COBLL1: variants seen among roughly 807,000 people sequenced by gnomAD.
COBLL1 encodes cordon-bleu WH2 repeat protein like 1, also known as cordon-bleu protein-like 1.
A neutral mutation model predicts 94.8 loss-of-function variants in COBLL1; 50 were observed. The ratio of observed to expected loss-of-function variants is 0.53; its 90% CI spans 0.42 to 0.67. COBLL1 has a LOEUF of 0.67. Among genes scored for constraint, COBLL1 ranks in the 30% least tolerant of loss-of-function variants. The probability of loss-of-function intolerance (pLI) is 0.00; values close to 1 mark genes in which losing one functional copy is unlikely to be tolerated. For synonymous variants in COBLL1, 448 were observed against 473.8 expected (o/e 0.95, Z 0.71); for missense variants, 1,362 against 1,348.7 (o/e 1.01, Z -0.15).
chr2:164,740,922 GAAAT>G (rs1558970828), intron 3 of COBLL1, among the ~76,000 whole-genome samples: 2 of 152,048 alleles, frequency 1.3e-5, no homozygotes. Flanking sequence ...TGAGGTGAAA[GAAAT>G]AGAGTATTTG....
rs116599805 is a variant in COBLL1 at position 164,812,737 on chromosome 2, G to A, written c.41+28419C>T. ...CAATGCCTAGCATATATTAGAGTAC[G>A]CATTTGATAATTGTTAGTTGATTCT... On this transcript the variant is annotated intron_variant, in intron 2 of 13. Transcript: ENST00000652658. Among the ~76,000 whole-genome samples, 509 of 152,046 alleles carry A rather than the reference G, an allele frequency of 3.3e-3. 3 individuals are homozygous for A. The highest frequency in any genetic ancestry group is 0.011 in the African/African-American group (469 of 41,496).
chr2:164,808,148 G>T (rs1234282891), intron 2 of COBLL1, among the ~76,000 whole-genome samples: 1 of 152,018 alleles, frequency 6.6e-6, no homozygotes, highest in Non-Finnish European at 1.5e-5. Flanking sequence ...ATATCTTTGG[G>T]TCCAAGAATG....
At chr2:164,670,771 A>C (rs773176130) in intron 1 of COBLL1, among the ~76,000 whole-genome samples, 1 of 152,194 alleles carries the variant, frequency 6.6e-6, no homozygotes, top group Non-Finnish European at 1.5e-5. Flanking sequence ...AGAGAGGCCA[A>C]ATGGAAGCAG....
At chr2:164,779,063 CTT>C (rs1688610563) in intron 2 of COBLL1, among the ~76,000 whole-genome samples, 1 of 152,108 alleles carries the variant, frequency 6.6e-6, no homozygotes. Flanking sequence ...GAAACATGGT[CTT>C]TAAGTTTCGC....
chr2:164,810,665 C>G (rs1684417275), intron 2 of COBLL1, among the ~76,000 whole-genome samples: 1 of 151,404 alleles, frequency 6.6e-6, no homozygotes, highest in African/African-American at 2.4e-5. Context: ...AAAATTTTTA[C>G]TATTGAATTT....
chr2:164,689,269 A>T (rs2105415135), intron 13 of COBLL1, among the ~76,000 whole-genome samples: 1 of 152,260 alleles, frequency 6.6e-6, no homozygotes, highest in African/African-American at 2.4e-5. Flanking sequence ...TTGCCTGCGT[A>T]TGAACCAGAG....
At chr2:164,727,484 C>T (rs1685772189) in intron 5 of COBLL1, among the ~76,000 whole-genome samples, 1 of 151,918 alleles carries the variant, frequency 6.6e-6, no homozygotes, top group African/African-American at 2.4e-5. Flanking sequence ...TAGACTGATA[C>T]ATTTCATAAG....
intron 1 of COBLL1, among the ~76,000 whole-genome samples, chr2:164,667,985 C>A (rs911512379): frequency 6.8e-6 from 1 of 147,146 alleles, no homozygotes; most frequent in African/African-American, 2.5e-5. Flanking sequence ...CACTCTATCG[C>A]CCAGGCTGGA....
At position 164,694,568 on chromosome 2, in the gene COBLL1, C is replaced by G. The variant is rs768778054; in HGVS notation, c.2824G>C (p.Ala942Pro). 3 of 1,613,854 alleles carry G rather than the reference C, an allele frequency of 1.9e-6. No individual in the cohort carries two copies. Among genetic ancestry groups the G allele is most frequent in the African/African-American group, 1.3e-5 (1 of 74,990 alleles). ...GGAGGAGGGGAGGCTTCAGCAGGAG[C>G]CTGACCGATGACATCATCATCAGTT... ...EKTDDDVIGQ[A>P]PAEASPPPIA... is the part of the protein sequence containing the mutation. Residue 942 changes from alanine to proline, a missense_variant, in exon 12 of 14, where the codon GCT becomes CCT. Transcript: ENST00000652658.
chr2:164,775,175 C>G (rs959457202), intron 2 of COBLL1, among the ~76,000 whole-genome samples: 1 of 150,542 alleles, frequency 6.6e-6, no homozygotes, highest in African/African-American at 2.5e-5. Flanking sequence ...AAAATGCATT[C>G]ATAGTTTCTA....
rs544562625 is a variant in COBLL1, at chr2:164,693,521, T to C, written c.3123+748A>G. Among the ~76,000 whole-genome samples the C allele has an allele frequency of 2.9e-4, 44 of 152,230 alleles. 1 individual carries two copies. In the South Asian group the frequency reaches 9.1e-3, roughly 32 times the overall value. On this transcript the variant is annotated intron_variant, in intron 12 of 13. Transcript: ENST00000652658. ...AAAATTGCATGAGGATTATCATAAA[T>C]CATGCTGTGAATTTCATCTTCTCCT...
intron 2 of COBLL1, chr2:164,779,553 C>G (rs993075282): frequency 2.6e-5 from 11 of 419,598 alleles, no homozygotes; most frequent in African/African-American, 2.3e-4. Flanking sequence ...AATGACCTGT[C>G]CTGCCCTGCC....
At chr2:164,695,901 C>A in intron 11 of COBLL1, 65 bp from the exon 12 acceptor site, 1 of 1,245,954 alleles carries the variant, frequency 8.0e-7, no homozygotes, top group Non-Finnish European at 1.1e-6. Context: ...TTTTTAATGC[C>A]TACTTTCTCC....
At chr2:164,664,192 C>T (rs532945514) in intron 2 of COBLL1, among the ~76,000 whole-genome samples, 1 of 152,302 alleles carries the variant, frequency 6.6e-6, no homozygotes, top group South Asian at 2.1e-4. Context: ...GCACACTATT[C>T]TCTGATGACA....
In COBLL1 at chr2:164,818,714, A is replaced by AGC. The variant is rs1685002333; in HGVS notation, c.41+22441_41+22442insGC. ...TATATGTACTTATGTAAACATATAT[A>AGC]GTATATATATATGTACTTATGTAAA... On this transcript the variant is annotated intron_variant, in intron 2 of 13. Transcript: ENST00000652658. Among the ~76,000 whole-genome samples, 4 of 135,142 alleles carry AGC rather than the reference A, an allele frequency of 3.0e-5. 1 individual carries two copies. The highest frequency in any genetic ancestry group is 1.1e-4 in the African/African-American group (4 of 34,924). The allele number at this position is 135,142 out of a possible 152,430, so 88.7% of individuals were successfully genotyped here.
At chr2:164,658,673 G>A (rs912674494) in intron 2 of COBLL1, among the ~76,000 whole-genome samples, 2 of 152,188 alleles carry the variant, frequency 1.3e-5, no homozygotes, top group African/African-American at 4.8e-5. Context: ...TGCTATCAAT[G>A]CCTAAGTGAA....
At chr2:164,801,004 A>C (rs1017417458) in intron 2 of COBLL1, among the ~76,000 whole-genome samples, 1 of 151,828 alleles carries the variant, frequency 6.6e-6, no homozygotes, top group Non-Finnish European at 1.5e-5. Context: ...ATGGGTTAAA[A>C]CTCCTAGCAC....
intron 2 of COBLL1, chr2:164,779,803 A>C (rs533042051): frequency 2.1e-6 from 1 of 467,750 alleles, no homozygotes; most frequent in African/African-American, 2.0e-5. Flanking sequence ...GAAAGAGAAG[A>C]CTTAAGATGA....
At chr2:164,806,980 A>G (rs1468375931) in intron 2 of COBLL1, among the ~76,000 whole-genome samples, 1 of 152,166 alleles carries the variant, frequency 6.6e-6, no homozygotes, top group Non-Finnish European at 1.5e-5. Flanking sequence ...TGCTGGGATT[A>G]TAGCGTGAGC....
Sources: gnomAD v4.1 joint callset for allele counts (sites outside exome capture counted in the v4.1 genomes callset) on GRCh38, gnomAD v4.1.1 for gene constraint, MANE v1.5 for transcripts, NCBI Gene and HGNC (gene_info 2026-07-23, HGNC 2026-07-21) for gene names.